GLB1: variants seen among roughly 807,000 people sequenced by gnomAD.
GLB1 encodes the protein galactosidase beta 1, also known as beta-galactosidase.
Under a neutral mutation model 74.0 loss-of-function variants are expected in GLB1, and 56 were observed. The observed-to-expected ratio is 0.76, with a 90% CI of 0.61 to 0.94. The LOEUF (loss-of-function observed/expected upper bound fraction) is 0.94, where lower values mean the gene tolerates loss of function less well. GLB1 is among the 40% of genes least tolerant of loss of function. GLB1 has a pLI of 0.00. For synonymous variants in GLB1, 323 were observed against 323.6 expected, an observed-to-expected ratio of 1.00 and a Z score of 0.02; for missense variants, 787 against 845.5, an observed-to-expected ratio of 0.93 and a Z score of 0.86.
At chr3:32,968,003 G>A in the GLB1 span, among the ~76,000 whole-genome samples, 3 of 152,208 alleles carry the variant, frequency 2.0e-5, no homozygotes, top group African/African-American at 7.2e-5. Context: ...AACTCAGAGA[G>A]GCTGAGGGCG....
chr3:33,034,474 C>T, intron 10 of GLB1: 2 of 730,866 alleles, frequency 2.7e-6, no homozygotes, highest in Non-Finnish European at 5.1e-6. Flanking sequence ...GCTGGAAGCA[C>T]AGTGACTGGG....
At chr3:33,001,671 C>A (rs148608173) in intron 15 of GLB1, among the ~76,000 whole-genome samples, 1 of 152,096 alleles carries the variant, frequency 6.6e-6, no homozygotes, top group African/African-American at 2.4e-5. Flanking sequence ...TTGTTTGAGG[C>A]GAGATTCTCC....
chr3:33,066,899 C>T (rs1699705042), intron 4 of GLB1, among the ~76,000 whole-genome samples: 1 of 151,998 alleles, frequency 6.6e-6, no homozygotes, highest in Admixed American at 6.6e-5. Context: ...AAAAAACTAT[C>T]ATTTACACAT....
intron 5 of GLB1, among the ~76,000 whole-genome samples, chr3:33,062,507 A>C (rs1303312529): frequency 2.0e-5 from 3 of 152,140 alleles, no homozygotes; most frequent in African/African-American, 7.2e-5. Flanking sequence ...TACTGTTTAC[A>C]GGCCTGGCAC....
At chr3:33,094,128 G>T in intron 1 of GLB1, 1 of 1,613,918 alleles carries the variant, frequency 6.2e-7, no homozygotes, top group Non-Finnish European at 8.5e-7. Flanking sequence ...GGCGATCATG[G>T]ACACGAAGAC....
the GLB1 span, among the ~76,000 whole-genome samples, chr3:32,966,682 C>T: frequency 1.3e-5 from 2 of 152,074 alleles, no homozygotes; most frequent in South Asian, 4.1e-4. Flanking sequence ...GGCTGTGTCC[C>T]CACCCAAATC....
At chr3:33,010,955 C>T (rs9851459) in intron 15 of GLB1, among the ~76,000 whole-genome samples, 2,470 of 152,190 alleles carry the variant, frequency 0.016, 69 homozygotes, top group East Asian at 0.077. Flanking sequence ...CTTCCAGGTT[C>T]GAGAGATTCT....
At chr3:33,096,810 G>A (rs893900891) in intron 1 of GLB1, 43 of 1,361,210 alleles carry the variant, frequency 3.2e-5, no homozygotes, top group African/African-American at 9.3e-5. Context: ...CTGCCTGGAA[G>A]GACGCGCGCC....
intron 10 of GLB1, among the ~76,000 whole-genome samples, chr3:33,043,103 G>C (rs1008498208): frequency 7.9e-5 from 12 of 152,160 alleles, no homozygotes; most frequent in Admixed American, 2.0e-4. Flanking sequence ...GCTGTAATTG[G>C]AGTTACAGTA....
chr3:33,003,860 T>C (rs1696678270), intron 15 of GLB1, among the ~76,000 whole-genome samples: 1 of 152,116 alleles, frequency 6.6e-6, no homozygotes, highest in Non-Finnish European at 1.5e-5. Context: ...TGAAACCCCA[T>C]CTCTACTAAA....
intron 5 of GLB1, among the ~76,000 whole-genome samples, chr3:33,063,003 G>A (rs953101474): frequency 3.9e-5 from 6 of 152,196 alleles, no homozygotes; most frequent in African/African-American, 1.4e-4. Context: ...GCTCCCACAT[G>A]TGCTTCACAA....
chr3:33,081,318 G>T (rs72856178), intron 1 of GLB1, among the ~76,000 whole-genome samples: 144 of 152,272 alleles, frequency 9.5e-4, no homozygotes, highest in African/African-American at 3.3e-3. Context: ...TTACTGGTAG[G>T]GTGTATTCTC....
chr3:33,018,639 G>A lies in GLB1; in HGVS notation c.1234-78C>T. 4 of 1,443,384 alleles carry A rather than the reference G, an allele frequency of 2.8e-6. No individual in the cohort carries two copies. In the African/African-American group the frequency reaches 5.6e-5, roughly 20 times the overall value. 89.4% of individuals were successfully genotyped at this position (1,443,384 alleles called of 1,614,324 possible). On this transcript the variant is annotated intron_variant, in intron 12 of 15. Coordinates refer to ENST00000307363, the MANE Select transcript of GLB1 (RefSeq NM_000404.4). ...GAACTTGGTTACCCTAGACATGTATGAAAGCGATGTTTCTCAAACCATAAG... is the reference window on the plus strand; with the variant it reads ...GAACTTGGTTACCCTAGACATGTATAAAAGCGATGTTTCTCAAACCATAAG...
At chr3:33,070,775 C>CT (rs1355425290) in intron 2 of GLB1, among the ~76,000 whole-genome samples, 2 of 152,064 alleles carry the variant, frequency 1.3e-5, no homozygotes, top group Non-Finnish European at 2.9e-5. Context: ...CCTGAGCCCA[C>CT]TTTAAGGTTT....
chr3:33,048,667 A>G (rs1254956204), intron 9 of GLB1, among the ~76,000 whole-genome samples: 1 of 152,124 alleles, frequency 6.6e-6, no homozygotes, highest in East Asian at 1.9e-4. Context: ...TCACTTCCTC[A>G]AAGAGACAGG....
In GLB1 at chr3:33,014,258, A is replaced by G; in HGVS notation, c.1532T>C (p.Ile511Thr). Residue 511 changes from isoleucine (I) to threonine (T), a missense_variant, in exon 15 of 16, where the codon ATC becomes ACC. By Grantham distance (89) the Ile-to-Thr change is moderately conservative. Coordinates refer to ENST00000307363, the MANE Select transcript of GLB1 (RefSeq NM_000404.4). ...LSSNILTDWT[I>T]FPLDTEDAVC... ...TGCATCCTCAGTGTCCAGTGGAAAG[A>G]TCGTCCAGTCCGTGAGGATATTGGA... 6 of 1,614,156 alleles carry G rather than the reference A, an allele frequency of 3.7e-6. No individual in the cohort carries two copies. The highest frequency in any genetic ancestry group is 5.1e-6 in the Non-Finnish European group (6 of 1,180,014).
chr3:33,055,455 C>CTT (rs1374690073), intron 6 of GLB1, among the ~76,000 whole-genome samples: 5 of 111,620 alleles, frequency 4.5e-5, no homozygotes, highest in African/African-American at 1.6e-4. Flanking sequence ...TCATGGTTTT[C>CTT]TTTTCTTTTT....
At chr3:32,973,157 G>T in the GLB1 span, among the ~76,000 whole-genome samples, 2 of 152,078 alleles carry the variant, frequency 1.3e-5, no homozygotes, top group Admixed American at 1.3e-4. Context: ...ATCCAACTGG[G>T]CTGGTGCACA....
chr3:33,003,172 T>C (rs1338668959), intron 15 of GLB1, among the ~76,000 whole-genome samples: 2 of 152,220 alleles, frequency 1.3e-5, no homozygotes, highest in Admixed American at 6.5e-5. Flanking sequence ...CAGGTCCAAA[T>C]AGAACTGAAG....
Sources: allele counts gnomAD v4.1 joint callset (sites outside exome capture counted in the v4.1 genomes callset), GRCh38; gene constraint gnomAD v4.1.1; transcripts MANE v1.5; gene names NCBI Gene and HGNC (gene_info 2026-07-23, HGNC 2026-07-21).